Variants in PDXDC1 observed in about 807,000 individuals in gnomAD.
PDXDC1 encodes the protein pyridoxal-dependent decarboxylase domain-containing protein 1.
Under a neutral mutation model 100.1 loss-of-function variants are expected in PDXDC1, and 42 were observed. The observed-to-expected ratio is 0.42, with a 90% CI of 0.33 to 0.54. The LOEUF is 0.54. Among genes scored for constraint, PDXDC1 ranks in the 20% least tolerant of loss-of-function variants. PDXDC1 has a pLI of 0.10. For synonymous variants in PDXDC1, 260 were observed against 371.7 expected (o/e 0.70, Z 3.46); for missense variants, 636 against 979.2 (o/e 0.65, Z 4.68).
chr16:14,984,332 T>C (rs1226166862), intron 1 of PDXDC1, among the ~76,000 whole-genome samples: 6 of 150,552 alleles, frequency 4.0e-5, no homozygotes, highest in Non-Finnish European at 5.9e-5. Flanking sequence ...TTTTTTTTTT[T>C]TTTTAACTTA....
intron 16 of PDXDC1, among the ~76,000 whole-genome samples, chr16:15,111,756 CA>C (rs1202549941): frequency 1.1e-3 from 63 of 58,608 alleles, no homozygotes; most frequent in South Asian, 3.1e-3. Flanking sequence ...GACTCCGTCT[CA>C]AAAAAAAAAA....
Position 15,018,853 on chromosome 16 carries a change from G to T in PDXDC1, c.977G>T (p.Gly326Val), listed in dbSNP as rs770352315. ...HDDPALTLVA[G>V]LTSNKPTDKL... ...TGGCTTTTTTAGACTTTAGTTGCTG[G>T]TCTTACATCAAATAAGCCCACAGAC... The change falls in exon 12 of 23, where the codon GGT becomes GTT. Residue 326 changes from glycine to valine, a missense_variant. Around this residue, in one of 4 missense-constraint regions of PDXDC1, gnomAD observed 125 missense variants for 479.9 expected, o/e 0.26. Transcript: ENST00000396410. The T allele has an allele frequency of 6.2e-7, 1 of 1,614,066 alleles. No homozygotes were observed. Among genetic ancestry groups the T allele is most frequent in the South Asian group, 1.1e-5 (1 of 91,080 alleles).
At position 15,033,412 on chromosome 16, in the gene PDXDC1, C is replaced by T. The variant is rs1345757905; in HGVS notation, c.1812+13C>T. 2 of 1,613,158 alleles carry T rather than the reference C, an allele frequency of 1.2e-6. No individual in the cohort carries two copies. Among genetic ancestry groups the T allele is most frequent in the Admixed American group, 1.7e-5 (1 of 59,996 alleles). ...GGAGAACTCGAGGGTCCGTAGCACC[C>T]ATCAGTGTTCATTCCTCTTCTGAGT... On this transcript the variant is annotated intron_variant, in intron 19 of 22. Coordinates refer to ENST00000396410, the MANE Select transcript of PDXDC1 (RefSeq NM_015027.4).
intron 16 of PDXDC1, among the ~76,000 whole-genome samples, chr16:15,089,059 T>C (rs2046017329): frequency 6.6e-6 from 1 of 151,992 alleles, no homozygotes. Context: ...TCCCAGCACT[T>C]TGGGAGGCTG....
chr16:15,085,089 A>T (rs1452668624), intron 16 of PDXDC1, among the ~76,000 whole-genome samples: 5 of 152,072 alleles, frequency 3.3e-5, no homozygotes, highest in Non-Finnish European at 5.9e-5. Context: ...ACAAAAAGTG[A>T]CATACTTGAA....
intron 16 of PDXDC1, chr16:15,128,240 G>C (rs781450850): frequency 2.5e-6 from 4 of 1,611,314 alleles, no homozygotes; most frequent in Non-Finnish European, 3.4e-6. Context: ...TGCCACACTC[G>C]GATCTTCCAC....
intron 3 of PDXDC1, 130 bp from the exon 4 acceptor site, chr16:15,001,646 T>G: frequency 1.5e-6 from 1 of 650,812 alleles, no homozygotes; most frequent in East Asian, 3.1e-5. Context: ...TACCACGTTC[T>G]TTCTCTTATA....
At chr16:15,004,929 T>C (rs1973939290) in intron 5 of PDXDC1, among the ~76,000 whole-genome samples, 1 of 152,298 alleles carries the variant, frequency 6.6e-6, no homozygotes, top group African/African-American at 2.4e-5. Context: ...TCTGTAGATA[T>C]TCAGTACAGA....
chr16:14,997,012 G>C (rs1325625044), intron 1 of PDXDC1, among the ~76,000 whole-genome samples: 2 of 152,150 alleles, frequency 1.3e-5, no homozygotes, highest in African/African-American at 4.8e-5. Flanking sequence ...CCCTGGGGCT[G>C]TGTACAATGG....
intron 16 of PDXDC1, chr16:15,060,259 C>T: frequency 3.1e-6 from 1 of 325,946 alleles, no homozygotes; most frequent in South Asian, 2.5e-5. Context: ...AAAAAATCAA[C>T]ATTTTGCCAG....
chr16:15,026,953 A>G (rs553082688), intron 14 of PDXDC1, among the ~76,000 whole-genome samples: 2 of 152,388 alleles, frequency 1.3e-5, no homozygotes, highest in East Asian at 3.9e-4. Context: ...AATGGCTAAG[A>G]AAGAGTTGCT....
At chr16:15,029,027 T>C (rs529084471) in intron 15 of PDXDC1, 61 bp downstream of exon 15, 276 of 1,554,170 alleles carry the variant, frequency 1.8e-4, no homozygotes, top group Non-Finnish European at 2.3e-4. Context: ...TCCGACCTGC[T>C]GGTGAGGGTG....
At chr16:15,078,166 T>C (rs1006726583) in intron 16 of PDXDC1, among the ~76,000 whole-genome samples, 7 of 152,210 alleles carry the variant, frequency 4.6e-5, no homozygotes, top group African/African-American at 1.2e-4. Context: ...AAAGAGTACA[T>C]ATACAGTTGG....
chr16:15,057,693 T>C (rs534470499), intron 16 of PDXDC1, among the ~76,000 whole-genome samples: 1 of 152,334 alleles, frequency 6.6e-6, no homozygotes, highest in East Asian at 1.9e-4. Context: ...TAGAATAGCA[T>C]GTTTGTTTCA....
At chr16:15,031,689 A>G (rs1345897747) in intron 16 of PDXDC1, 46 bp from the exon 17 acceptor site, 1 of 1,551,430 alleles carries the variant, frequency 6.4e-7, no homozygotes, top group East Asian at 2.3e-5. Flanking sequence ...CCCTCTTGTC[A>G]TTGGCCATCT....
At chr16:15,148,122 G>A in the PDXDC1 span, among the ~76,000 whole-genome samples, 2 of 151,568 alleles carry the variant, frequency 1.3e-5, no homozygotes, top group African/African-American at 4.9e-5. Context: ...CCAACTAGCT[G>A]GGACTACAGG....
intron 16 of PDXDC1, among the ~76,000 whole-genome samples, chr16:15,072,702 C>G (rs2045287728): frequency 1.3e-5 from 2 of 152,040 alleles, no homozygotes; most frequent in Non-Finnish European, 2.9e-5. Context: ...AGGGTAAGGA[C>G]TGAGAGTCCG....
intron 16 of PDXDC1, among the ~76,000 whole-genome samples, chr16:15,100,489 T>G (rs1380001552): frequency 6.6e-6 from 1 of 152,206 alleles, no homozygotes; most frequent in African/African-American, 2.4e-5. Context: ...ATTGAGATTT[T>G]GGGCCAACCA....
chr16:15,135,707 A>C, intron 16 of PDXDC1: 1 of 1,595,206 alleles, frequency 6.3e-7, no homozygotes. Context: ...GCCATCCTCC[A>C]GGTTGGGGTC....
Sources: allele counts gnomAD v4.1 joint callset (sites outside exome capture counted in the v4.1 genomes callset), GRCh38; gene constraint gnomAD v4.1.1; regional missense constraint gnomAD v4.1.1; transcripts MANE v1.5; gene names NCBI Gene and HGNC (gene_info 2026-07-23, HGNC 2026-07-21).